MDN1: variants seen among roughly 807,000 people sequenced by gnomAD.
MDN1 encodes midasin.
MDN1 carries 266 observed loss-of-function variants against 669.2 expected under a neutral mutation model. The ratio of observed to expected loss-of-function variants is 0.40; its 90% confidence interval spans 0.36 to 0.44. The LOEUF (loss-of-function observed/expected upper bound fraction) is 0.44. Ranked by LOEUF, MDN1 falls within the 20% of genes least tolerant of loss-of-function variation. MDN1 has a pLI of 1.00. For synonymous variants in MDN1, 2,385 were observed against 2,457.1 expected, an observed-to-expected ratio of 0.97 and a Z score of 0.87; for missense variants, 5,940 against 6,754.0, an observed-to-expected ratio of 0.88 and a Z score of 4.22.
intron 1 of MDN1, among the ~76,000 whole-genome samples, chr6:89,805,093 T>C (rs948918266): frequency 4.5e-5 from 6 of 133,326 alleles, no homozygotes; most frequent in Admixed American, 4.4e-4. Context: ...CAGGTAAGCA[T>C]ACAAAGGAAA....
At chr6:89,664,649 C>T (rs1373341573) in intron 84 of MDN1, 21 bp from the exon 85 acceptor site, 3 of 1,577,350 alleles carry the variant, frequency 1.9e-6, no homozygotes, top group African/African-American at 1.4e-5. Context: ...AAGTATTAAA[C>T]ATAAATAAAT....
Position 89,719,244 on chromosome 6 carries a change from G to C in MDN1, c.5968-19C>G. 1 of 1,596,146 alleles carries C rather than the reference G, an allele frequency of 6.3e-7. No individual in the cohort carries two copies. Among genetic ancestry groups the C allele is most frequent in the East Asian group, 2.2e-5 (1 of 44,730 alleles). On this transcript the variant is annotated intron_variant, in intron 40 of 101. Transcript: ENST00000369393. ...CAATGACCTAAAGGAAGAAGATAAT[G>C]CAATGAAAACACAAATCACTCCACC...
At chr6:89,756,460 A>G (rs1817251501) in intron 19 of MDN1, 70 bp from the exon 20 acceptor site, 1 of 709,544 alleles carries the variant, frequency 1.4e-6, no homozygotes, top group Admixed American at 2.8e-5. Flanking sequence ...GAAAAACATG[A>G]AACAGAAGAA....
Position 89,671,061 on chromosome 6 carries a change from G to A in MDN1, c.13814C>T (p.Ser4605Phe), listed in dbSNP as rs774717252. The change falls in exon 83 of 102, where the codon TCC becomes TTC. Residue 4605 changes from serine (S) to phenylalanine (F), a missense_variant. Transcript: ENST00000369393. ...AKHLFFSQSC[S>F]LLVRLVPVLS... ...GACCGGCACCAGGCGCACCAGCAAGGAACAGGATTGGCTGAAGAACTGAGA... is the reference window on the plus strand; with the variant it reads ...GACCGGCACCAGGCGCACCAGCAAGAAACAGGATTGGCTGAAGAACTGAGA... The A allele has an allele frequency of 2.3e-5, 37 of 1,613,858 alleles. No individual in the cohort carries two copies. The highest frequency in any genetic ancestry group is 1.7e-4 in the Middle Eastern group (1 of 6,060).
chr6:89,801,865 G>C lies in MDN1; in HGVS notation c.329+1463C>G, dbSNP rs867333852. On this transcript the variant is annotated intron_variant, in intron 2 of 101. Coordinates refer to ENST00000369393, the MANE Select transcript of MDN1 (RefSeq NM_014611.3). ...TAGTCCCAGCTACTCAGGAGGCTAA[G>C]GCATGAGAATCACTTGAACCCAGGA... Among the ~76,000 whole-genome samples, 32 of 151,358 alleles carry C rather than the reference G, an allele frequency of 2.1e-4. No homozygotes were observed. The Middle Eastern group carries it at 0.017, about 82-fold the overall frequency.
intron 65 of MDN1, among the ~76,000 whole-genome samples, chr6:89,689,089 C>G (rs1014943085): frequency 1.3e-5 from 2 of 152,216 alleles, no homozygotes; most frequent in Non-Finnish European, 2.9e-5. Context: ...TTGCTTGAAC[C>G]TGGGAGGCAG....
intron 35 of MDN1, among the ~76,000 whole-genome samples, chr6:89,729,394 G>A (rs1229961609): frequency 2.6e-5 from 4 of 152,130 alleles, no homozygotes; most frequent in Non-Finnish European, 5.9e-5. Context: ...ACACATACAT[G>A]TACATGCAAA....
rs779370241 is a variant in MDN1, at chr6:89,688,745, G to A, written c.11087C>T (p.Thr3696Ile). 5.0e-6 allele frequency: 8 copies of A among 1,614,092 alleles called. No individual in the cohort carries two copies. The Admixed American group carries it at 1.3e-4, about 27-fold the overall frequency. ...QLLACTLSHNTLFGEAPSDLM... is the reference protein window; with the variant it reads ...QLLACTLSHNILFGEAPSDLM... ...GTCTGAGGGTGCCTCCCCAAAAAGAGTGTTATGGGAGAGGGTACAGGCCAA... is the reference window on the plus strand; with the variant it reads ...GTCTGAGGGTGCCTCCCCAAAAAGAATGTTATGGGAGAGGGTACAGGCCAA... Residue 3696 changes from threonine to isoleucine, a missense_variant, in exon 66 of 102, where the codon ACT becomes ATT. Physicochemically the swap from Thr to Ile is moderately conservative, Grantham distance 89. Transcript: ENST00000369393.
intron 57 of MDN1, 62 bp downstream of exon 57, chr6:89,700,001 G>T: frequency 2.1e-6 from 3 of 1,446,458 alleles, no homozygotes; most frequent in Non-Finnish European, 2.9e-6. Flanking sequence ...ATGGGTATAG[G>T]ATACACAGAA....
At chr6:89,694,008 A>G (rs568409425) in intron 62 of MDN1, 66 bp downstream of exon 62, 17 of 1,295,974 alleles carry the variant, frequency 1.3e-5, no homozygotes, top group Non-Finnish European at 1.9e-5. Flanking sequence ...TACTCACACC[A>G]TAACTACATT....
At chr6:89,701,801 G>A in intron 54 of MDN1, 103 bp downstream of exon 54, 12 of 1,521,128 alleles carry the variant, frequency 7.9e-6, no homozygotes, top group Non-Finnish European at 1.1e-5. Flanking sequence ...TATGCCAAGG[G>A]AATAAACCAA....
Position 89,676,049 on chromosome 6 carries a change from C to T in MDN1, c.12645+53G>A, listed in dbSNP as rs1241168548. The stretch of plus-strand genomic sequence containing the variant: ...TCTGAGAATACAGCCCTGGGATGAA[C>T]AGAACAAGGGCTTTCCCTGAGCCCC... On this transcript the variant is annotated intron_variant, in intron 77 of 101. Coordinates refer to ENST00000369393, the MANE Select transcript of MDN1 (RefSeq NM_014611.3). 4 of 1,541,952 alleles carry T rather than the reference C, an allele frequency of 2.6e-6. No homozygotes were observed. In the African/African-American group the frequency reaches 5.5e-5, roughly 21 times the overall value.
At chr6:89,788,107 G>C (rs1819062033) in intron 7 of MDN1, 150 bp from the exon 8 acceptor site, 2 of 676,258 alleles carry the variant, frequency 3.0e-6, no homozygotes, top group South Asian at 3.4e-5. Context: ...ATGCAGGTGG[G>C]AACGTCTGAA....
intron 52 of MDN1, 55 bp from the exon 53 acceptor site, chr6:89,706,247 T>A: frequency 6.5e-7 from 1 of 1,532,482 alleles, no homozygotes; most frequent in Non-Finnish European, 8.9e-7. Flanking sequence ...AAATAATCTC[T>A]GGACATTTTC....
At chr6:89,658,966 A>G (rs376598127) in intron 88 of MDN1, 49 bp from the exon 89 acceptor site, 1 of 1,507,960 alleles carries the variant, frequency 6.6e-7, no homozygotes, top group Non-Finnish European at 8.9e-7. Flanking sequence ...TGAAACGTAC[A>G]TGATTTCTTA....
At chr6:89,675,714 AGT>A (rs1036244053) in intron 77 of MDN1, 135 bp from the exon 78 acceptor site, 11 of 673,740 alleles carry the variant, frequency 1.6e-5, no homozygotes, top group Middle Eastern at 4.1e-4. Flanking sequence ...TTTTTTGAGC[AGT>A]GTTTCTCCAA....
At position 89,722,869 on chromosome 6, in the gene MDN1, G is replaced by C. The variant is rs745925178; in HGVS notation, c.5967+86C>G. The C allele has an allele frequency of 4.7e-6, 5 of 1,061,402 alleles. No individual in the cohort carries two copies. The South Asian group carries it at 6.2e-5, about 13-fold the overall frequency. 65.7% of individuals were successfully genotyped at this position (1,061,402 alleles called of 1,614,324 possible). On this transcript the variant is annotated intron_variant, in intron 40 of 101. Coordinates refer to ENST00000369393, the MANE Select transcript of MDN1 (RefSeq NM_014611.3). Reference sequence around the variant, plus strand: ...CTCAAAAAAAAAAAAAAAAAAAAAGGCTTGCAATTAGTGTATGTCCTTTCT... The same window carrying C: ...CTCAAAAAAAAAAAAAAAAAAAAAGCCTTGCAATTAGTGTATGTCCTTTCT...
chr6:89,672,843 A>G (rs1009852160), intron 80 of MDN1, 141 bp from the exon 81 acceptor site: 18 of 894,534 alleles, frequency 2.0e-5, no homozygotes, highest in Admixed American at 3.0e-5. Context: ...GAAGAGACAA[A>G]TTCCTTGCCT....
chr6:89,713,265 G>A lies in MDN1; in HGVS notation c.7101C>T (p.Ile2367=). 1 of 1,613,368 alleles carries A rather than the reference G, an allele frequency of 6.2e-7. No individual in the cohort carries two copies. The highest frequency in any genetic ancestry group is 1.1e-5 in the South Asian group (1 of 91,020). Residue 2367 remains isoleucine (I), a synonymous_variant, in exon 47 of 102, where the codon ATC becomes ATT. Transcript: ENST00000369393. ...ACTGGACAATTAGTATGGCTGTCTG[G>A]ATTAGAGTTGATACAGAAGATGTTG... ...GSPTSSVSTL[I]QTAILIVQYL... is the part of the protein sequence containing the mutation.
Sources: allele counts gnomAD v4.1 joint callset (sites outside exome capture counted in the v4.1 genomes callset), GRCh38; gene constraint gnomAD v4.1.1; transcripts MANE v1.5; gene names NCBI Gene and HGNC (gene_info 2026-07-23, HGNC 2026-07-21).